Variants in FOXC1 observed in about 807,000 individuals in gnomAD.
FOXC1 encodes the protein forkhead box protein C1.
Under a neutral mutation model 8.1 loss-of-function variants are expected in FOXC1, and 5 were observed. That is an observed-to-expected ratio of 0.62 (90% CI 0.32 to 1.30). The LOEUF (loss-of-function observed/expected upper bound fraction) is 1.30, where lower values mean the gene tolerates loss of function less well. Among genes scored for constraint, FOXC1 ranks in the 50% most tolerant of loss-of-function variants. FOXC1 has a pLI of 0.05. For missense variants in FOXC1, 942 were observed against 858.0 expected (o/e 1.10, Z -1.22); for synonymous variants, 552 against 417.2 (o/e 1.32, Z -3.94).
At position 1,610,072 on chromosome 6, in the gene FOXC1, G is replaced by T. The variant is rs1455644781; in HGVS notation, c.-374G>T. The T allele has an allele frequency of 1.4e-5, 2 of 143,702 alleles. No homozygotes were observed. Among genetic ancestry groups the T allele is most frequent in the African/African-American group, 5.2e-5 (2 of 38,408 alleles). The allele number at this position is 143,702 out of a possible 1,614,324, so 8.9% of individuals were successfully genotyped here. On this transcript the variant is annotated 5_prime_UTR_variant, in exon 1 of 1. Coordinates refer to ENST00000645831, the MANE Select transcript of FOXC1 (RefSeq NM_001453.3). The stretch of plus-strand genomic sequence containing the variant: ...GCCTTCGCCGGCAGCTCAGGGCAGA[G>T]TCTCCTGGAAGGCGCAGGCAGTGTG...
At position 1,611,377 on chromosome 6, in the gene FOXC1, A is replaced by T; in HGVS notation, c.932A>T (p.Asp311Val). The change falls in exon 1 of 1, where the codon GAC becomes GTC. Residue 311 changes from aspartate to valine, a missense_variant. Physicochemically the swap from Asp to Val is radical, Grantham distance 152. This residue lies in a region of FOXC1 where 726 missense variants were observed against 599.6 expected (regional missense o/e 1.21). Transcript: ENST00000645831. The surrounding 1 kb of genome is among the most constrained non-coding windows in gnomAD (Gnocchi z 7.1). ...CACCATAGCCAGGGCTTCAGCGTGG[A>T]CAACATCATGACGTCGCTGCGGGGG... The part of the protein sequence containing the change: ...PPHHSQGFSV[D>V]NIMTSLRGSP... The T allele has an allele frequency of 6.9e-7, 1 of 1,447,602 alleles. No individual in the cohort carries two copies. Among genetic ancestry groups the T allele is most frequent in the Non-Finnish European group, 9.1e-7 (1 of 1,101,816 alleles). 89.7% of individuals were successfully genotyped at this position (1,447,602 alleles called of 1,614,324 possible).
Position 1,612,086 on chromosome 6 carries a change from C to G in FOXC1, c.1641C>G (p.Val547=). Residue 547 remains valine, a synonymous_variant, in exon 1 of 1, where the codon GTC becomes GTG. Transcript: ENST00000645831. ...TGTACCGCACGTCCGGAGCTTTCGT[C>G]TACGACTGTAGCAAGTTTTGACACA... is the stretch of plus-strand genomic sequence containing the variant. ...QSLYRTSGAF[V]YDCSKF The G allele has an allele frequency of 1.2e-6, 2 of 1,614,018 alleles. No individual in the cohort carries two copies. Among genetic ancestry groups the G allele is most frequent in the South Asian group, 1.1e-5 (1 of 91,068 alleles).
In FOXC1 at chr6:1,611,062, C is replaced by G. The variant is rs1245295588; in HGVS notation, c.617C>G (p.Pro206Arg). The change falls in exon 1 of 1, where the codon CCG (proline) becomes CGG (arginine). Residue 206 changes from proline (P) to arginine (R), a missense_variant. Physicochemically the swap from Pro to Arg is moderately radical, Grantham distance 103 (BLOSUM62 -2). This residue lies in a region of FOXC1 where 726 missense variants were observed against 599.6 expected (regional missense o/e 1.21). Coordinates refer to ENST00000645831, the MANE Select transcript of FOXC1 (RefSeq NM_001453.3). This position sits in a 1 kb window ranked among gnomAD's most constrained non-coding sequence, Gnocchi z 7.1. ...PPGRQPPPAP[P>R]EQADGNAPGP... ...GGCCGCCAGCCCCCGCCCGCGCCGC[C>G]GGAGCAGGCCGACGGCAACGCGCCC... 2 of 1,452,382 alleles carry G rather than the reference C, an allele frequency of 1.4e-6. No homozygotes were observed. Among genetic ancestry groups the G allele is most frequent in the East Asian group, 2.9e-5 (1 of 35,010 alleles). 90.0% of individuals were successfully genotyped at this position (1,452,382 alleles called of 1,614,324 possible). A position where few individuals can be genotyped will look rare whatever the true frequency, so the allele number is the denominator to read the frequency against.
chr6:1,611,195 C>T lies in FOXC1; in HGVS notation c.750C>T (p.Ser250=). 2 of 1,458,688 alleles carry T rather than the reference C, an allele frequency of 1.4e-6. No individual in the cohort carries two copies. Among genetic ancestry groups the T allele is most frequent in the Non-Finnish European group, 1.8e-6 (2 of 1,104,494 alleles). The allele number at this position is 1,458,688 out of a possible 1,614,324, so 90.4% of individuals were successfully genotyped here. A position where few individuals can be genotyped will look rare whatever the true frequency, so the allele number is the denominator to read the frequency against. Residue 250 remains serine, a synonymous_variant, in exon 1 of 1, where the codon AGC becomes AGT. Coordinates refer to ENST00000645831, the MANE Select transcript of FOXC1 (RefSeq NM_001453.3). This position sits in a 1 kb window ranked among gnomAD's most constrained non-coding sequence, Gnocchi z 7.1. ...CGGCCGCCGCCCTGGGCAGCGGCAGCGCCGCCGCGGTGCCCAAGATCGAGA... is the reference window on the plus strand; with the variant it reads ...CGGCCGCCGCCCTGGGCAGCGGCAGTGCCGCCGCGGTGCCCAAGATCGAGA... ...LSPAAALGSG[S]AAAVPKIESP...
Position 1,611,951 on chromosome 6 carries a change from G to C in FOXC1, c.1506G>C (p.Gln502His). 6.3e-7 allele frequency: 1 copy of C among 1,598,110 alleles called. No homozygotes were observed. Residue 502 changes from glutamine (Q) to histidine (H), a missense_variant, in exon 1 of 1, where the codon CAG becomes CAC. Transcript: ENST00000645831. This position sits in a 1 kb window ranked among gnomAD's most constrained non-coding sequence, Gnocchi z 7.1. Reference protein sequence around the residue: ...AAAAGYPGQQQNFHSVREMFE... With the variant: ...AAAAGYPGQQHNFHSVREMFE... ...CCGCAGGCTACCCGGGCCAGCAGCA[G>C]AACTTCCACTCGGTGCGGGAGATGT...
rs1431021587 is a variant in FOXC1, at chr6:1,611,582, C to T, written c.1137C>T (p.Gly379=). ...CGGGCAGCTCGGGCGGCGGCGGCGG[C>T]GGCGCGGGGGCCGCGGGGGGCGCGG... ...SSAGSSGGGG[G]GAGAAGGAGG... is the part of the protein sequence containing the mutation. The change falls in exon 1 of 1, where the codon GGC becomes GGT. Residue 379 remains glycine (G), a synonymous_variant. Coordinates refer to ENST00000645831, the MANE Select transcript of FOXC1 (RefSeq NM_001453.3). This position sits in a 1 kb window ranked among gnomAD's most constrained non-coding sequence, Gnocchi z 7.1. 5 of 1,163,338 alleles carry T rather than the reference C, an allele frequency of 4.3e-6. No homozygotes were observed. The African/African-American group carries it at 6.6e-5, about 15-fold the overall frequency. The allele number at this position is 1,163,338 out of a possible 1,614,324, so 72.1% of individuals were successfully genotyped here. A position where few individuals can be genotyped will look rare whatever the true frequency, so the allele number is the denominator to read the frequency against.
In FOXC1 at chr6:1,610,367, C is replaced by T. The variant is rs1165581424; in HGVS notation, c.-79C>T. The T allele has an allele frequency of 6.1e-6, 5 of 825,358 alleles. No homozygotes were observed. The highest frequency in any genetic ancestry group is 1.9e-5 in the African/African-American group (1 of 53,018). The allele number at this position is 825,358 out of a possible 1,614,324, so 51.1% of individuals were successfully genotyped here. A position where few individuals can be genotyped will look rare whatever the true frequency, so the allele number is the denominator to read the frequency against. On this transcript the variant is annotated 5_prime_UTR_variant, in exon 1 of 1. Transcript: ENST00000645831. Reference sequence around the variant, plus strand: ...GCTCGGCCGGGCCCGGACTCGGACTCGGCGGCCGGCGCGGCGCGGCCCGGC... The same window carrying T: ...GCTCGGCCGGGCCCGGACTCGGACTTGGCGGCCGGCGCGGCGCGGCCCGGC...
At position 1,610,867 on chromosome 6, in the gene FOXC1, G is replaced by T. The variant is rs749259978; in HGVS notation, c.422G>T (p.Arg141Leu). 1 of 1,614,062 alleles carries T rather than the reference G, an allele frequency of 6.2e-7. No homozygotes were observed. Among genetic ancestry groups the T allele is most frequent in the Non-Finnish European group, 8.5e-7 (1 of 1,180,020 alleles). Residue 141 changes from arginine to leucine, a missense_variant, in exon 1 of 1, where the codon CGC becomes CTC. Transcript: ENST00000645831. ...SLNECFVKVPRDDKKPGKGSY... is the reference protein window; with the variant it reads ...SLNECFVKVPLDDKKPGKGSY... ...AACGAGTGCTTCGTCAAGGTGCCGC[G>T]CGACGACAAGAAGCCGGGCAAGGGC...
chr6:1,612,266 T>G lies in FOXC1; in HGVS notation c.*159T>G. 9.0e-7 allele frequency: 1 copy of G among 1,112,192 alleles called. No individual in the cohort carries two copies. The highest frequency in any genetic ancestry group is 1.3e-6 in the Non-Finnish European group (1 of 773,362). The allele number at this position is 1,112,192 out of a possible 1,614,324, so 68.9% of individuals were successfully genotyped here. The stretch of plus-strand genomic sequence containing the variant: ...CAGAATATCCCTCCAAAAATTCAGC[T>G]CACCAGCACCAGCACGAAGAAAACT... On this transcript the variant is annotated 3_prime_UTR_variant, in exon 1 of 1. Coordinates refer to ENST00000645831, the MANE Select transcript of FOXC1 (RefSeq NM_001453.3).
At position 1,611,102 on chromosome 6, in the gene FOXC1, G is replaced by A; in HGVS notation, c.657G>A (p.Pro219=). ...GCAACGCGCCCGGTCCGCAGCCGCC[G>A]CCCGTGCGCATCCAGGACATCAAGA... The part of the protein sequence containing the change: ...ADGNAPGPQP[P]PVRIQDIKTE... Residue 219 remains proline (P), a synonymous_variant, in exon 1 of 1, where the codon CCG becomes CCA. Transcript: ENST00000645831. This position sits in a 1 kb window ranked among gnomAD's most constrained non-coding sequence, Gnocchi z 7.1. 1.5e-6 allele frequency: 2 copies of A among 1,375,902 alleles called. No individual in the cohort carries two copies. The highest frequency in any genetic ancestry group is 9.5e-7 in the Non-Finnish European group (1 of 1,053,146). The allele number at this position is 1,375,902 out of a possible 1,614,324, so 85.2% of individuals were successfully genotyped here.
In FOXC1 at chr6:1,612,281, CGAA is replaced by C. The variant is rs1762572304; in HGVS notation, c.*178_*180del. ...AAAATTCAGCTCACCAGCACCAGCA[CGAA>C]GAAAACTCTATTTTCTTAACCGATT... On this transcript the variant is annotated 3_prime_UTR_variant, in exon 1 of 1. Transcript: ENST00000645831. 1.1e-6 allele frequency: 1 copy of C among 941,802 alleles called. No homozygotes were observed. Among genetic ancestry groups the C allele is most frequent in the South Asian group, 1.6e-5 (1 of 61,656 alleles). 58.3% of individuals were successfully genotyped at this position (941,802 alleles called of 1,614,324 possible). A position where few individuals can be genotyped will look rare whatever the true frequency, so the allele number is the denominator to read the frequency against.
At position 1,612,131 on chromosome 6, in the gene FOXC1, TCGAACCCCAAAGCAGGAAAAGCTAAA is replaced by T; in HGVS notation, c.*25_*50del. On this transcript the variant is annotated 3_prime_UTR_variant, in exon 1 of 1. Coordinates refer to ENST00000645831, the MANE Select transcript of FOXC1 (RefSeq NM_001453.3). ...GACACACCCTCAAAGCCGAACTAAA[TCGAACCCCAAAGCAGGAAAAGCTAAA>T]GGAACCCATCAAGGCAAAATCGAAA... 6.2e-7 allele frequency: 1 copy of T among 1,611,652 alleles called. No individual in the cohort carries two copies. Among genetic ancestry groups the T allele is most frequent in the South Asian group, 1.1e-5 (1 of 91,014 alleles).
chr6:1,610,345 C>A lies in FOXC1; in HGVS notation c.-101C>A. Reference sequence around the variant, plus strand: ...ACAGCGCAGCGGGCCGGCACCAGCTCGGCCGGGCCCGGACTCGGACTCGGC... The same window carrying A: ...ACAGCGCAGCGGGCCGGCACCAGCTAGGCCGGGCCCGGACTCGGACTCGGC... On this transcript the variant is annotated 5_prime_UTR_variant, in exon 1 of 1. Coordinates refer to ENST00000645831, the MANE Select transcript of FOXC1 (RefSeq NM_001453.3). 1.6e-6 allele frequency: 1 copy of A among 616,676 alleles called. No homozygotes were observed. The highest frequency in any genetic ancestry group is 6.8e-5 in the South Asian group (1 of 14,744). The allele number at this position is 616,676 out of a possible 1,614,324, so 38.2% of individuals were successfully genotyped here.
In FOXC1 at chr6:1,610,507, G is replaced by A. The variant is rs1179417864; in HGVS notation, c.62G>A (p.Gly21Asp). The change falls in exon 1 of 1, where the codon GGC becomes GAC. Residue 21 changes from glycine to aspartate, a missense_variant. This residue lies in a region of FOXC1 where 190 missense variants were observed against 176.8 expected (regional missense o/e 1.07). Transcript: ENST00000645831. ...NSLGVVPYLGGEQSYYRAAAA... is the reference protein window; with the variant it reads ...NSLGVVPYLGDEQSYYRAAAA... ...CTGGGAGTGGTGCCCTACCTCGGCG[G>A]CGAGCAGAGCTACTACCGCGCGGCG... is the stretch of plus-strand genomic sequence containing the variant. The A allele has an allele frequency of 6.6e-7, 1 of 1,509,912 alleles. No homozygotes were observed. Among genetic ancestry groups the A allele is most frequent in the Non-Finnish European group, 8.8e-7 (1 of 1,130,936 alleles). 93.5% of individuals were successfully genotyped at this position (1,509,912 alleles called of 1,614,324 possible). A position where few individuals can be genotyped will look rare whatever the true frequency, so the allele number is the denominator to read the frequency against.
Position 1,610,688 on chromosome 6 carries a change from T to C in FOXC1, c.243T>C (p.Tyr81=), listed in dbSNP as rs1379307944. Residue 81 remains tyrosine, a synonymous_variant, in exon 1 of 1, where the codon TAT becomes TAC. Transcript: ENST00000645831. The part of the protein sequence containing the change: ...PQPKDMVKPP[Y]SYIALITMAI... ...CCAAGGACATGGTGAAGCCGCCCTA[T>C]AGCTACATCGCGCTCATCACCATGG... 5 of 1,613,610 alleles carry C rather than the reference T, an allele frequency of 3.1e-6. No homozygotes were observed. The highest frequency in any genetic ancestry group is 1.1e-5 in the South Asian group (1 of 91,082).
Position 1,610,649 on chromosome 6 carries a change from G to A in FOXC1, c.204G>A (p.Thr68=), listed in dbSNP as rs35168188. The part of the protein sequence containing the change: ...GGMARAYGPY[T]PQPQPKDMVK... Reference sequence around the variant, plus strand: ...TGGCCCGCGCCTACGGGCCCTACACGCCGCAGCCGCAGCCCAAGGACATGG... The same window carrying A: ...TGGCCCGCGCCTACGGGCCCTACACACCGCAGCCGCAGCCCAAGGACATGG... Residue 68 remains threonine, a synonymous_variant, in exon 1 of 1, where the codon ACG becomes ACA. Coordinates refer to ENST00000645831, the MANE Select transcript of FOXC1 (RefSeq NM_001453.3). 2.5e-6 allele frequency: 4 copies of A among 1,613,004 alleles called. No homozygotes were observed. The highest frequency in any genetic ancestry group is 1.7e-5 in the Admixed American group (1 of 60,008).
Position 1,611,584 on chromosome 6 carries a change from G to C in FOXC1, c.1139G>C (p.Gly380Ala), listed in dbSNP as rs1581374640. The change falls in exon 1 of 1, where the codon GGC becomes GCC. Residue 380 changes from glycine to alanine, a missense_variant. Coordinates refer to ENST00000645831, the MANE Select transcript of FOXC1 (RefSeq NM_001453.3). This position sits in a 1 kb window ranked among gnomAD's most constrained non-coding sequence, Gnocchi z 7.1. ...GGCAGCTCGGGCGGCGGCGGCGGCG[G>C]CGCGGGGGCCGCGGGGGGCGCGGGC... is the stretch of plus-strand genomic sequence containing the variant. ...SAGSSGGGGGGAGAAGGAGGA... is the reference protein window; with the variant it reads ...SAGSSGGGGGAAGAAGGAGGA... 8.6e-7 allele frequency: 1 copy of C among 1,164,282 alleles called. No individual in the cohort carries two copies. Among genetic ancestry groups the C allele is most frequent in the Non-Finnish European group, 1.1e-6 (1 of 948,444 alleles). 72.1% of individuals were successfully genotyped at this position (1,164,282 alleles called of 1,614,324 possible).
rs1415182366 is a variant in FOXC1, at chr6:1,610,638, G to C, written c.193G>C (p.Gly65Arg). The part of the protein sequence containing the change: ...QYPGGMARAY[G>R]PYTPQPQPKD... ...CCCGGGCGGCATGGCCCGCGCCTAC[G>C]GGCCCTACACGCCGCAGCCGCAGCC... The change falls in exon 1 of 1, where the codon GGG becomes CGG. Residue 65 changes from glycine to arginine, a missense_variant. Transcript: ENST00000645831. 6.2e-7 allele frequency: 1 copy of C among 1,612,468 alleles called. No individual in the cohort carries two copies. Among genetic ancestry groups the C allele is most frequent in the Non-Finnish European group, 8.5e-7 (1 of 1,179,806 alleles).
Position 1,611,572 on chromosome 6 carries a change from G to GCGA in FOXC1, c.1129_1130insACG (p.Gly376_Gly377insAsp). On this transcript the variant is annotated inframe_insertion, in exon 1 of 1. Transcript: ENST00000645831. This position sits in a 1 kb window ranked among gnomAD's most constrained non-coding sequence, Gnocchi z 7.1. ...ACCTCCAGCGCGGGCAGCTCGGGCG[G>GCGA]CGGCGGCGGCGGCGCGGGGGCCGCG... is the stretch of plus-strand genomic sequence containing the variant. The GCGA allele has an allele frequency of 8.7e-7, 1 of 1,147,290 alleles. No individual in the cohort carries two copies. Among genetic ancestry groups the GCGA allele is most frequent in the Non-Finnish European group, 1.1e-6 (1 of 938,118 alleles). The allele number at this position is 1,147,290 out of a possible 1,614,324, so 71.1% of individuals were successfully genotyped here.
Sources: allele counts gnomAD v4.1 joint callset, GRCh38; gene constraint gnomAD v4.1.1; regional missense constraint gnomAD v4.1.1; non-coding constraint Gnocchi (gnomAD v3.1); transcripts MANE v1.5; gene names NCBI Gene and HGNC (gene_info 2026-07-23, HGNC 2026-07-21).